The following ACTR3B variants were observed in gnomAD, a reference collection of about 807,000 sequenced individuals.
ACTR3B encodes actin related protein 3B.
In ACTR3B, 8 loss-of-function variants were observed where a neutral mutation model predicts 59.0. The observed-to-expected ratio is 0.14, with a 90% CI of 0.08 to 0.24. The LOEUF (loss-of-function observed/expected upper bound fraction) is 0.24, where lower values mean the gene tolerates loss of function less well. ACTR3B is among the 10% of genes least tolerant of loss of function. The pLI is 1.00. For synonymous variants in ACTR3B, 148 were observed against 197.9 expected, an observed-to-expected ratio of 0.75 and a Z score of 2.12; for missense variants, 245 against 552.3, an observed-to-expected ratio of 0.44 and a Z score of 5.58.
rs1290867775 is a variant in ACTR3B, at chr7:152,824,359, T to G, written c.859-671T>G. 1.3e-5 allele frequency among the ~76,000 whole-genome samples: 2 copies of G among 152,252 alleles called. No individual in the cohort carries two copies. The highest frequency in any genetic ancestry group is 1.3e-4 in the Admixed American group (2 of 15,282). ...AACAGTCAAATGTCCAGTGAACAGCTGGTGAGCAACTGAATATCCTCCTCC... is the reference window on the plus strand; with the variant it reads ...AACAGTCAAATGTCCAGTGAACAGCGGGTGAGCAACTGAATATCCTCCTCC... On this transcript the variant is annotated intron_variant, in intron 8 of 11. Coordinates refer to ENST00000256001, the MANE Select transcript of ACTR3B (RefSeq NM_020445.6). The surrounding 1 kb of genome is among the most constrained non-coding windows in gnomAD (Gnocchi z 4.2).
intron 1 of ACTR3B, among the ~76,000 whole-genome samples, chr7:152,778,992 A>G (rs1309369617): frequency 7.1e-6 from 1 of 140,248 alleles, no homozygotes; most frequent in Non-Finnish European, 1.5e-5. Context: ...AAAAGGACAT[A>G]TGAGTTATTT....
chr7:152,792,866 T>C (rs188991177), intron 2 of ACTR3B, among the ~76,000 whole-genome samples: 9,721 of 104,568 alleles, frequency 0.093, no homozygotes, highest in Non-Finnish European at 0.1. Flanking sequence ...TTAGTTTTAT[T>C]TCAACGGAAA....
intron 3 of ACTR3B, among the ~76,000 whole-genome samples, chr7:152,801,082 T>C (rs1268020855): frequency 6.6e-6 from 1 of 151,402 alleles, no homozygotes; most frequent in Non-Finnish European, 1.5e-5. Flanking sequence ...ATTGTATTTT[T>C]TGTTGTTGTT....
At chr7:152,826,132 A>G (rs1796553082) in intron 9 of ACTR3B, among the ~76,000 whole-genome samples, 1 of 152,226 alleles carries the variant, frequency 6.6e-6, no homozygotes, top group African/African-American at 2.4e-5. Context: ...AGCACTCAGC[A>G]TTGCGTCACC....
At chr7:152,844,092 G>A (rs909043775) in intron 9 of ACTR3B, among the ~76,000 whole-genome samples, 3 of 152,106 alleles carry the variant, frequency 2.0e-5, no homozygotes, top group African/African-American at 7.2e-5. Context: ...TTTTGAGATG[G>A]AGTTGCCCAG....
At chr7:152,800,709 A>C in intron 3 of ACTR3B, 54 bp downstream of exon 3, 1 of 1,572,710 alleles carries the variant, frequency 6.4e-7, no homozygotes, top group East Asian at 2.3e-5. Flanking sequence ...AGGATGAGTA[A>C]TGCAAAATGG....
intron 1 of ACTR3B, among the ~76,000 whole-genome samples, chr7:152,766,923 A>G (rs1444709932): frequency 6.6e-6 from 1 of 152,016 alleles, no homozygotes. Context: ...AGTAGCTGGG[A>G]CTACAGGTGC....
At chr7:152,834,067 A>G (rs1437336668) in intron 9 of ACTR3B, among the ~76,000 whole-genome samples, 1 of 151,484 alleles carries the variant, frequency 6.6e-6, no homozygotes, top group African/African-American at 2.4e-5. Flanking sequence ...TCTAAAATTC[A>G]TGTTCAATTT....
At chr7:152,786,616 C>T (rs2098175543) in intron 2 of ACTR3B, among the ~76,000 whole-genome samples, 1 of 151,354 alleles carries the variant, frequency 6.6e-6, no homozygotes, top group Admixed American at 6.6e-5. Context: ...GGACTCACCA[C>T]CAAGAATGAA....
intron 2 of ACTR3B, among the ~76,000 whole-genome samples, chr7:152,797,577 ATCG>A (rs1241762283): frequency 1.3e-5 from 2 of 152,176 alleles, no homozygotes; most frequent in African/African-American, 4.8e-5. Flanking sequence ...AATGCAATAT[ATCG>A]TCATTAACTG....
intron 9 of ACTR3B, among the ~76,000 whole-genome samples, chr7:152,842,721 C>T (rs1797965272): frequency 6.6e-6 from 1 of 152,190 alleles, no homozygotes; most frequent in Admixed American, 6.5e-5. Context: ...TTAGCTATTA[C>T]AAAAAACCCT....
chr7:152,759,933 G>A lies in ACTR3B; in HGVS notation c.44+7G>A, dbSNP rs2117083341. On this transcript the variant is annotated splice_region_variant and intron_variant, in intron 1 of 11. Coordinates refer to ENST00000256001, the MANE Select transcript of ACTR3B (RefSeq NM_020445.6). ...TGGTGGACTGTGGCACCGGGTAAGA[G>A]CAGCTCGGCGCCCACCCCCGCTCCT... 1.5e-6 allele frequency: 2 copies of A among 1,375,472 alleles called. No homozygotes were observed. The highest frequency in any genetic ancestry group is 1.9e-6 in the Non-Finnish European group (2 of 1,055,048). 85.2% of individuals were successfully genotyped at this position (1,375,472 alleles called of 1,614,324 possible).
intron 9 of ACTR3B, among the ~76,000 whole-genome samples, chr7:152,832,196 C>T (rs1797086897): frequency 6.6e-6 from 1 of 152,026 alleles, no homozygotes; most frequent in Admixed American, 6.6e-5. Context: ...GTTCTTGCTG[C>T]TTATCTAGGA....
At chr7:152,844,171 C>T (rs189411937) in intron 9 of ACTR3B, among the ~76,000 whole-genome samples, 4,383 of 152,242 alleles carry the variant, frequency 0.029, 91 homozygotes, top group Middle Eastern at 0.099. Flanking sequence ...GATTCTCCTG[C>T]CTCAGCCTCC....
intron 1 of ACTR3B, among the ~76,000 whole-genome samples, chr7:152,764,897 A>G (rs963963148): frequency 6.6e-6 from 1 of 152,068 alleles, no homozygotes; most frequent in Admixed American, 6.6e-5. Context: ...AATAAATGAT[A>G]TCTTAATGTC....
chr7:152,821,290 T>A (rs1796132316), intron 7 of ACTR3B, among the ~76,000 whole-genome samples: 1 of 152,104 alleles, frequency 6.6e-6, no homozygotes, highest in African/African-American at 2.4e-5. Context: ...ATTTGACTAT[T>A]TGATCCAAGC....
At chr7:152,853,809 C>T (rs966439774) in intron 11 of ACTR3B, among the ~76,000 whole-genome samples, 7 of 152,054 alleles carry the variant, frequency 4.6e-5, no homozygotes, top group East Asian at 1.9e-4. Context: ...CTCCGCCTCC[C>T]GGGTTTAAGC....
chr7:152,792,947 C>T (rs541235324), intron 2 of ACTR3B, among the ~76,000 whole-genome samples: 5 of 148,164 alleles, frequency 3.4e-5, no homozygotes, highest in Admixed American at 2.7e-4. Context: ...TCTTTCAGCA[C>T]AAAAATGTTG....
intron 2 of ACTR3B, among the ~76,000 whole-genome samples, chr7:152,785,497 G>GAGAGAGAC (rs1252774886): frequency 8.5e-5 from 10 of 117,666 alleles, no homozygotes; most frequent in Non-Finnish European, 1.0e-4. Context: ...GAGAGACAGA[G>GAGAGAGAC]AGAGAGAGAG....
Sources: gnomAD v4.1 joint callset for allele counts (sites outside exome capture counted in the v4.1 genomes callset) on GRCh38, gnomAD v4.1.1 for gene constraint, Gnocchi (gnomAD v3.1) non-coding constraint, MANE v1.5 for transcripts, NCBI Gene and HGNC (gene_info 2026-07-23, HGNC 2026-07-21) for gene names.